SH2D3C: variants seen among roughly 807,000 people sequenced by gnomAD.
The protein encoded by SH2D3C is SH2 domain containing 3C, also known as SH2 domain-containing protein 3C.
Under a neutral mutation model 75.2 loss-of-function variants are expected in SH2D3C, and 25 were observed. The observed-to-expected ratio is 0.33, with a 90% confidence interval of 0.24 to 0.46. The LOEUF is 0.46. Among genes scored for constraint, SH2D3C ranks in the 20% least tolerant of loss-of-function variants. The probability of loss-of-function intolerance (pLI) is 1.00; values close to 1 mark genes in which losing one functional copy is unlikely to be tolerated. For synonymous variants in SH2D3C, 450 were observed against 473.7 expected (o/e 0.95, Z 0.65); for missense variants, 933 against 1,165.3 (o/e 0.80, Z 2.90).
chr9:127,748,332 C>A (rs1287444076), intron 5 of SH2D3C, among the ~76,000 whole-genome samples: 7 of 152,144 alleles, frequency 4.6e-5, no homozygotes, highest in African/African-American at 1.7e-4. Flanking sequence ...GTGGCTGCAG[C>A]CCACAGGGTA....
intron 5 of SH2D3C, among the ~76,000 whole-genome samples, chr9:127,747,967 C>T (rs1588499054): frequency 6.6e-6 from 1 of 152,216 alleles, no homozygotes; most frequent in Non-Finnish European, 1.5e-5. Flanking sequence ...TGAGCCAACA[C>T]TTCTCAAGCT....
Position 127,749,640 on chromosome 9 carries a change from T to C in SH2D3C, c.710A>G (p.Asn237Ser). ...REVSETLVQR[N>S]GDFLIRDSLT... is the part of the protein sequence containing the mutation. ...TGAGTCCCGGATGAGGAAGTCGCCG[T>C]TGCGTTGTACCAAGGTCTCCGAGAC... Residue 237 changes from asparagine (N) to serine (S), a missense_variant, in exon 5 of 12, where the codon AAC (asparagine) becomes AGC (serine). Transcript: ENST00000314830. This position sits in a 1 kb window ranked among gnomAD's most constrained non-coding sequence, Gnocchi z 5.9. 6.4e-7 allele frequency: 1 copy of C among 1,564,284 alleles called. No homozygotes were observed. The highest frequency in any genetic ancestry group is 1.2e-5 in the South Asian group (1 of 86,046).
In SH2D3C at chr9:127,750,329, A is replaced by G. The variant is rs1177356800; in HGVS notation, c.685-664T>C. 4.0e-5 allele frequency among the ~76,000 whole-genome samples: 6 copies of G among 151,742 alleles called. No homozygotes were observed. In the East Asian group the frequency reaches 9.7e-4, roughly 25 times the overall value. On this transcript the variant is annotated intron_variant, in intron 4 of 11. Coordinates refer to ENST00000314830, the MANE Select transcript of SH2D3C (RefSeq NM_170600.3). ...GCCACCATGCCTGGCTAATTTTCGT[A>G]TTTTTAGTAGAGACGAGGTTTCACC...
At chr9:127,773,875 A>G in intron 2 of SH2D3C, 115 bp downstream of exon 2, 1 of 649,610 alleles carries the variant, frequency 1.5e-6, no homozygotes, top group South Asian at 2.0e-5. Context: ...CCGGGATCAC[A>G]CCACTGCACT....
Position 127,754,894 on chromosome 9 carries a change from C to T in SH2D3C, c.556-3594G>A. 1 of 509,856 alleles carries T rather than the reference C, an allele frequency of 2.0e-6. No homozygotes were observed. 31.6% of individuals were successfully genotyped at this position (509,856 alleles called of 1,614,324 possible). A position where few individuals can be genotyped will look rare whatever the true frequency, so the allele number is the denominator to read the frequency against. On this transcript the variant is annotated intron_variant, in intron 3 of 11. Transcript: ENST00000314830. The surrounding 1 kb of genome is among the most constrained non-coding windows in gnomAD (Gnocchi z 4.4). Reference sequence around the variant, plus strand: ...GCCGCCGAACCCTCACCCCGCGGAGCGCCTGGGCGCCCAGAGGTGAGGCTG... The same window carrying T: ...GCCGCCGAACCCTCACCCCGCGGAGTGCCTGGGCGCCCAGAGGTGAGGCTG...
At chr9:127,747,064 A>C in intron 6 of SH2D3C, 83 bp downstream of exon 6, 1 of 1,451,142 alleles carries the variant, frequency 6.9e-7, no homozygotes, top group Non-Finnish European at 9.4e-7. Context: ...AAAGAGGCGG[A>C]AACACACATA....
At chr9:127,742,127 G>C (rs542059739) in intron 8 of SH2D3C, among the ~76,000 whole-genome samples, 168 bp from the exon 9 acceptor site, 2 of 152,302 alleles carry the variant, frequency 1.3e-5, no homozygotes, top group East Asian at 3.9e-4. Flanking sequence ...GGAAAGCAAG[G>C]CCTCGGGCTT....
chr9:127,740,850 T>A (rs1239313186), intron 9 of SH2D3C, among the ~76,000 whole-genome samples: 2 of 151,742 alleles, frequency 1.3e-5, no homozygotes, highest in African/African-American at 2.4e-5. Flanking sequence ...CCGGCTAATT[T>A]GTTTGTATTT....
chr9:127,755,219 G>A (rs1845342678), intron 3 of SH2D3C: 5 of 1,196,540 alleles, frequency 4.2e-6, no homozygotes, highest in Admixed American at 4.4e-5. Flanking sequence ...GCGGGGCAGG[G>A]GCGCAGGGAC....
Position 127,738,439 on chromosome 9 carries a change from G to T in SH2D3C, c.*307C>A, listed in dbSNP as rs1226869804. 3.8e-6 allele frequency: 1 copy of T among 261,658 alleles called. No individual in the cohort carries two copies. The highest frequency in any genetic ancestry group is 7.3e-6 in the Non-Finnish European group (1 of 136,960). The allele number at this position is 261,658 out of a possible 1,614,324, so 16.2% of individuals were successfully genotyped here. A position where few individuals can be genotyped will look rare whatever the true frequency, so the allele number is the denominator to read the frequency against. On this transcript the variant is annotated 3_prime_UTR_variant, in exon 12 of 12. Transcript: ENST00000314830. This position sits in a 1 kb window ranked among gnomAD's most constrained non-coding sequence, Gnocchi z 5.0. ...GGTGTTGGTGAGGGACAGACAGAGAGTGAGGAGGCGTGAGCAGCCTGCCTC... is the reference window on the plus strand; with the variant it reads ...GGTGTTGGTGAGGGACAGACAGAGATTGAGGAGGCGTGAGCAGCCTGCCTC...
chr9:127,771,112 CA>C lies in SH2D3C; in HGVS notation c.515+2877del, dbSNP rs1261894718. On this transcript the variant is annotated intron_variant, in intron 2 of 11. Transcript: ENST00000314830. ...CCGCCCCCAAATTTGTCAGCTGCCC[CA>C]GGGGTGCAGATTTCCTCCTTCGACC... is the stretch of plus-strand genomic sequence containing the variant. 23 of 1,215,050 alleles carry C rather than the reference CA, an allele frequency of 1.9e-5. No homozygotes were observed. In the Admixed American group the frequency reaches 7.3e-4, roughly 39 times the overall value. The allele number at this position is 1,215,050 out of a possible 1,614,324, so 75.3% of individuals were successfully genotyped here.
At chr9:127,778,143 A>T (rs1829062130) in intron 1 of SH2D3C, among the ~76,000 whole-genome samples, 1 of 151,894 alleles carries the variant, frequency 6.6e-6, no homozygotes, top group Admixed American at 6.6e-5. Context: ...GCGTGTCACC[A>T]TACCCAGCTA....
chr9:127,742,094 A>G, intron 8 of SH2D3C, 135 bp from the exon 9 acceptor site: 1 of 794,306 alleles, frequency 1.3e-6, no homozygotes, highest in South Asian at 1.9e-5. Context: ...GGTCAATGGG[A>G]TAAGGGGGCG....
intron 2 of SH2D3C, 42 bp downstream of exon 2, chr9:127,773,948 G>T: frequency 2.2e-5 from 24 of 1,113,026 alleles, no homozygotes; most frequent in Non-Finnish European, 3.2e-5. Context: ...GAAAAAAACA[G>T]AAGCCATCCC....
intron 7 of SH2D3C, 93 bp downstream of exon 7, chr9:127,744,471 G>C: frequency 6.9e-7 from 1 of 1,454,708 alleles, no homozygotes; most frequent in South Asian, 1.3e-5. Context: ...AGGCCCACCT[G>C]CTGTACTTGG....
At chr9:127,744,039 T>A (rs1168375266) in intron 7 of SH2D3C, among the ~76,000 whole-genome samples, 1 of 150,552 alleles carries the variant, frequency 6.6e-6, no homozygotes, top group Non-Finnish European at 1.5e-5. Flanking sequence ...AGTGCCAAAC[T>A]GACATCTGGA....
At position 127,744,675 on chromosome 9, in the gene SH2D3C, G is replaced by A. The variant is rs1164287580; in HGVS notation, c.1689C>T (p.Ile563=). ...CCTCCAGTGGCCGGTTATCCCTGGG[G>A]ATCAGTAGTGACTGGAAGGTGGCCG... is the stretch of plus-strand genomic sequence containing the variant. The part of the protein sequence containing the change: ...FNPATFQSLL[I]PRDNRPLEVG... The change falls in exon 7 of 12, where the codon ATC becomes ATT. Residue 563 remains isoleucine, a synonymous_variant. Transcript: ENST00000314830. 6.2e-7 allele frequency: 1 copy of A among 1,614,114 alleles called. No individual in the cohort carries two copies. The highest frequency in any genetic ancestry group is 8.5e-7 in the Non-Finnish European group (1 of 1,180,054).
intron 2 of SH2D3C, chr9:127,766,970 G>C (rs1207892184): frequency 1.2e-5 from 19 of 1,536,066 alleles, no homozygotes; most frequent in Non-Finnish European, 1.7e-5. Flanking sequence ...TGGGCAAAAA[G>C]AGCTGGGTGG....
At chr9:127,746,165 A>G (rs1360053615) in intron 6 of SH2D3C, among the ~76,000 whole-genome samples, 4 of 152,202 alleles carry the variant, frequency 2.6e-5, no homozygotes, top group African/African-American at 7.2e-5. Flanking sequence ...TTTAGGTTTT[A>G]TACTCAGGGT....
Sources: gnomAD v4.1 joint callset for allele counts (sites outside exome capture counted in the v4.1 genomes callset) on GRCh38, gnomAD v4.1.1 for gene constraint, Gnocchi (gnomAD v3.1) non-coding constraint, MANE v1.5 for transcripts, NCBI Gene and HGNC (gene_info 2026-07-23, HGNC 2026-07-21) for gene names.